Variants in OR2L13 observed in about 807,000 individuals in gnomAD.
OR2L13 encodes olfactory receptor 2L13.
OR2L13 carries 14 observed loss-of-function variants against 15.3 expected under a neutral mutation model. The observed-to-expected ratio is 0.91, with a 90% CI of 0.60 to 1.43. OR2L13 has a LOEUF of 1.43. Among genes scored for constraint, OR2L13 ranks in the 40% most tolerant of loss-of-function variants. The pLI is 0.00. For missense variants in OR2L13, 367 were observed against 387.9 expected (o/e 0.95, Z 0.45); for synonymous variants, 152 against 142.9 (o/e 1.06, Z -0.45).
the OR2L13 span, among the ~76,000 whole-genome samples, chr1:247,955,607 C>G: frequency 2.7e-5 from 4 of 149,350 alleles, no homozygotes; most frequent in Non-Finnish European, 6.0e-5. Context: ...CTCTCCAGCA[C>G]CTGTTGTTTC....
At chr1:248,067,397 T>C in the OR2L13 span, among the ~76,000 whole-genome samples, 1 of 152,334 alleles carries the variant, frequency 6.6e-6, no homozygotes, top group East Asian at 1.9e-4. Flanking sequence ...TGCATGTTTT[T>C]TAAAAATCCA....
chr1:247,982,975 A>G, the OR2L13 span, among the ~76,000 whole-genome samples: 1 of 152,166 alleles, frequency 6.6e-6, no homozygotes, highest in African/African-American at 2.4e-5. Flanking sequence ...GATAAAATAG[A>G]CCACACATTT....
the OR2L13 span, chr1:247,939,367 C>T: frequency 6.6e-6 from 1 of 152,196 alleles, no homozygotes; most frequent in South Asian, 2.1e-4. Flanking sequence ...GAAATTATCA[C>T]AGGCATGGAA....
the OR2L13 span, among the ~76,000 whole-genome samples, chr1:247,989,136 G>A: frequency 6.6e-6 from 1 of 152,054 alleles, no homozygotes; most frequent in South Asian, 2.1e-4. Context: ...ATGGATGGTG[G>A]TAGACATTAA....
At chr1:248,016,245 G>T in the OR2L13 span, among the ~76,000 whole-genome samples, 1 of 152,172 alleles carries the variant, frequency 6.6e-6, no homozygotes, top group Non-Finnish European at 1.5e-5. Context: ...ACCATTTGTA[G>T]AATTGTAATT....
the OR2L13 span, among the ~76,000 whole-genome samples, chr1:248,076,068 G>A: frequency 6.6e-6 from 1 of 152,104 alleles, no homozygotes; most frequent in Non-Finnish European, 1.5e-5. Context: ...TCTACAGATG[G>A]CTAGCCAGTT....
downstream of OR2L13, chr1:248,101,145 C>A (rs953285749): frequency 2.0e-5 from 3 of 151,966 alleles, no homozygotes; most frequent in South Asian, 2.1e-4. Flanking sequence ...TTAATAAAAT[C>A]TTTATATAAA....
the OR2L13 span, chr1:248,022,677 C>A: frequency 1.2e-6 from 2 of 1,614,102 alleles, no homozygotes; most frequent in East Asian, 2.2e-5. Context: ...CAGCACCCAC[C>A]TCACTGTAGT....
chr1:248,072,846 G>A, the OR2L13 span, among the ~76,000 whole-genome samples: 8 of 151,710 alleles, frequency 5.3e-5, no homozygotes, highest in Non-Finnish European at 7.4e-5. Context: ...AAAAGAAGAC[G>A]TTTATGCAGC....
At chr1:248,026,147 AAGT>A in the OR2L13 span, among the ~76,000 whole-genome samples, 1 of 152,168 alleles carries the variant, frequency 6.6e-6, no homozygotes, top group Non-Finnish European at 1.5e-5. Flanking sequence ...TCTATGTAAA[AAGT>A]AGAATATAAA....
At chr1:248,060,763 A>C in the OR2L13 span, 5 of 1,613,958 alleles carry the variant, frequency 3.1e-6, no homozygotes, top group Non-Finnish European at 4.2e-6. Context: ...TTTCCTCTTC[A>C]TCCTCATTGT....
At chr1:247,996,585 T>C in the OR2L13 span, among the ~76,000 whole-genome samples, 5 of 152,188 alleles carry the variant, frequency 3.3e-5, no homozygotes, top group African/African-American at 1.2e-4. Context: ...CAGGGAAAAC[T>C]GGGTATTTCA....
At chr1:247,961,784 A>G in the OR2L13 span, among the ~76,000 whole-genome samples, 1 of 152,160 alleles carries the variant, frequency 6.6e-6, no homozygotes, top group East Asian at 1.9e-4. Context: ...TCATGGATAA[A>G]ATGCAGTTTA....
the OR2L13 span, chr1:248,039,362 A>G: frequency 3.6e-6 from 2 of 552,836 alleles, no homozygotes; most frequent in South Asian, 3.4e-5. Context: ...ATTATAATAC[A>G]TATTAATACA....
the OR2L13 span, among the ~76,000 whole-genome samples, chr1:248,007,880 A>C: frequency 6.6e-6 from 1 of 152,208 alleles, no homozygotes; most frequent in South Asian, 2.1e-4. Context: ...TTGAAGGATG[A>C]GTATATTTCT....
the OR2L13 span, among the ~76,000 whole-genome samples, chr1:247,961,875 T>A: frequency 1.3e-5 from 2 of 152,270 alleles, no homozygotes; most frequent in Admixed American, 6.5e-5. Context: ...GATTCTCGTG[T>A]GTTTCTGAAA....
the OR2L13 span, among the ~76,000 whole-genome samples, chr1:248,057,751 TG>T: frequency 6.6e-5 from 10 of 152,220 alleles, no homozygotes; most frequent in Admixed American, 2.0e-4. Flanking sequence ...TATTTCTTTT[TG>T]TTACTATTGG....
chr1:247,939,918 A>G, the OR2L13 span, among the ~76,000 whole-genome samples: 1 of 152,192 alleles, frequency 6.6e-6, no homozygotes, highest in African/African-American at 2.4e-5. Context: ...AAGAATATAT[A>G]AGAATTACAT....
At chr1:247,954,417 AT>A in the OR2L13 span, among the ~76,000 whole-genome samples, 1 of 152,138 alleles carries the variant, frequency 6.6e-6, no homozygotes, top group African/African-American at 2.4e-5. Context: ...AATCTCTGCT[AT>A]TTTGTCTCAT....
Sources: allele counts gnomAD v4.1 joint callset (sites outside exome capture counted in the v4.1 genomes callset), GRCh38; gene constraint gnomAD v4.1.1; transcripts MANE v1.5; gene names NCBI Gene and HGNC (gene_info 2026-07-23, HGNC 2026-07-21).